The following WDPCP variants were observed in gnomAD, a reference collection of about 807,000 sequenced individuals.
WDPCP encodes the protein WD repeat-containing and planar cell polarity effector protein fritz homolog.
WDPCP carries 71 observed loss-of-function variants against 93.1 expected under a neutral mutation model. The ratio of observed to expected loss-of-function variants is 0.76; its 90% confidence interval spans 0.63 to 0.93. WDPCP has a LOEUF of 0.93. Ranked by LOEUF, WDPCP falls within the 40% of genes least tolerant of loss-of-function variation. The pLI is 0.00. For missense variants in WDPCP, 844 were observed against 887.4 expected, an observed-to-expected ratio of 0.95 and a Z score of 0.62; for synonymous variants, 315 against 315.0, an observed-to-expected ratio of 1.00 and a Z score of 0.00.
intron 17 of WDPCP, among the ~76,000 whole-genome samples, chr2:63,122,678 A>C (rs1014765318): frequency 6.6e-6 from 1 of 152,174 alleles, no homozygotes; most frequent in African/African-American, 2.4e-5. Flanking sequence ...GATAAGACTA[A>C]AGATGAGTGA....
intron 2 of WDPCP, among the ~76,000 whole-genome samples, chr2:63,490,786 G>A (rs1700832126): frequency 6.6e-6 from 1 of 152,158 alleles, no homozygotes; most frequent in Non-Finnish European, 1.5e-5. Context: ...CAGAGGACAA[G>A]GGGTAAAAGG....
intron 1 of WDPCP, among the ~76,000 whole-genome samples, chr2:63,495,739 G>A (rs535511926): frequency 5.6e-4 from 85 of 152,224 alleles, no homozygotes; most frequent in African/African-American, 2.0e-3. Flanking sequence ...CCTTAACACT[G>A]CAGTTGCTGC....
intron 13 of WDPCP, among the ~76,000 whole-genome samples, chr2:63,283,923 G>A (rs1683770738): frequency 6.6e-6 from 1 of 152,054 alleles, no homozygotes. Flanking sequence ...GAATGAAGGT[G>A]ATACAAAGCT....
chr2:63,767,701 T>C (rs1203491056), intron 2 of WDPCP, among the ~76,000 whole-genome samples: 1 of 152,112 alleles, frequency 6.6e-6, no homozygotes, highest in Non-Finnish European at 1.5e-5. Context: ...GTGTTCTTAT[T>C]GTTGAGTTTC....
At chr2:63,301,135 A>G (rs1472855755) in intron 13 of WDPCP, among the ~76,000 whole-genome samples, 1 of 152,224 alleles carries the variant, frequency 6.6e-6, no homozygotes, top group Non-Finnish European at 1.5e-5. Context: ...TGGTCCTTCA[A>G]CAAAATACCC....
chr2:63,577,146 G>T (rs1052755934), intron 1 of WDPCP, among the ~76,000 whole-genome samples: 2 of 152,144 alleles, frequency 1.3e-5, no homozygotes, highest in South Asian at 4.1e-4. Context: ...GACCTAAAGT[G>T]TAATTTCCAA....
At chr2:63,271,516 CT>C (rs1201219097) in intron 13 of WDPCP, among the ~76,000 whole-genome samples, 1 of 152,204 alleles carries the variant, frequency 6.6e-6, no homozygotes, top group African/African-American at 2.4e-5. Flanking sequence ...TCACTGGCAT[CT>C]GAGTACACCA....
chr2:63,436,792 G>A (rs149384581), intron 8 of WDPCP, among the ~76,000 whole-genome samples: 1,670 of 152,150 alleles, frequency 0.011, 23 homozygotes, highest in Non-Finnish European at 0.016. Context: ...AAAATGTAAT[G>A]TGGCAAAACT....
chr2:63,313,177 T>G (rs1252931343), intron 13 of WDPCP, 71 bp downstream of exon 13: 10 of 1,438,624 alleles, frequency 7.0e-6, no homozygotes, highest in Non-Finnish European at 9.7e-6. Flanking sequence ...AGTAATCCTT[T>G]TTATGGTCAC....
chr2:63,687,784 C>CA (rs981222265), intron 2 of WDPCP, among the ~76,000 whole-genome samples: 3 of 150,978 alleles, frequency 2.0e-5, no homozygotes, highest in South Asian at 4.3e-4. Context: ...GGAGGTTCCT[C>CA]AAAAAAACAA....
At chr2:63,670,990 T>A (rs1446563) in intron 2 of WDPCP, among the ~76,000 whole-genome samples, 41 of 152,168 alleles carry the variant, frequency 2.7e-4, no homozygotes, top group African/African-American at 8.9e-4. Context: ...AAAGTATTCC[T>A]CAGAGAAGGG....
At chr2:63,357,739 A>G (rs1266382240) in intron 12 of WDPCP, among the ~76,000 whole-genome samples, 1 of 152,216 alleles carries the variant, frequency 6.6e-6, no homozygotes, top group Non-Finnish European at 1.5e-5. Flanking sequence ...CATTTGACCC[A>G]GCAATCTCAT....
intron 2 of WDPCP, chr2:63,684,761 T>G: frequency 1.8e-6 from 1 of 563,918 alleles, no homozygotes; most frequent in Non-Finnish European, 3.4e-6. Flanking sequence ...GAAAAAGAAA[T>G]AGTAACAAGC....
chr2:63,319,126 C>G (rs1362753278), intron 12 of WDPCP, among the ~76,000 whole-genome samples: 5 of 152,098 alleles, frequency 3.3e-5, no homozygotes, highest in Non-Finnish European at 5.9e-5. Context: ...GCGACTCCTC[C>G]AATTTGTCGA....
intron 13 of WDPCP, among the ~76,000 whole-genome samples, chr2:63,284,563 T>G (rs1438368934): frequency 6.6e-6 from 1 of 152,214 alleles, no homozygotes; most frequent in East Asian, 1.9e-4. Flanking sequence ...GGCCATAATT[T>G]GGCAAACTAA....
intron 14 of WDPCP, among the ~76,000 whole-genome samples, chr2:63,211,143 T>C (rs1374175489): frequency 6.6e-6 from 1 of 152,186 alleles, no homozygotes. Context: ...GATCTGAGAA[T>C]GGACAGACTG....
intron 1 of WDPCP, among the ~76,000 whole-genome samples, chr2:63,548,876 C>T (rs371935556): frequency 6.6e-6 from 1 of 152,146 alleles, no homozygotes; most frequent in Non-Finnish European, 1.5e-5. Context: ...AATCAGGAAA[C>T]ACACTTCTAA....
intron 1 of WDPCP, chr2:63,571,444 T>C (rs572904755): frequency 7.7e-5 from 36 of 466,922 alleles, no homozygotes; most frequent in African/African-American, 6.0e-4. Context: ...GCCTGAAGAA[T>C]TTCCTTTAGC....
chr2:63,657,666 T>A (rs184835644), intron 2 of WDPCP, among the ~76,000 whole-genome samples: 1 of 152,196 alleles, frequency 6.6e-6, no homozygotes, highest in Non-Finnish European at 1.5e-5. Flanking sequence ...ATTTGAGATA[T>A]ACTGGCATTT....
Sources: gnomAD v4.1 joint callset for allele counts (sites outside exome capture counted in the v4.1 genomes callset) on GRCh38, gnomAD v4.1.1 for gene constraint, MANE v1.5 for transcripts, NCBI Gene and HGNC (gene_info 2026-07-23, HGNC 2026-07-21) for gene names.